The following SGCE variants were observed in gnomAD, a reference collection of about 807,000 sequenced individuals.
The protein encoded by SGCE is epsilon-sarcoglycan.
A neutral mutation model predicts 57.8 loss-of-function variants in SGCE; 26 were observed. The observed-to-expected ratio is 0.45, with a 90% CI of 0.33 to 0.62. The LOEUF is 0.62. SGCE is among the 20% of genes least tolerant of loss of function. The pLI is 0.02. For missense variants in SGCE, 468 were observed against 548.6 expected (o/e 0.85, Z 1.47); for synonymous variants, 183 against 189.5 (o/e 0.97, Z 0.28).
At chr7:94,648,395 A>AAAAAAAAAAAAAAAAAAAAT in intron 1 of SGCE, among the ~76,000 whole-genome samples, 1 of 151,258 alleles carries the variant, frequency 6.6e-6, no homozygotes, top group Non-Finnish European at 1.5e-5. Context: ...AAAAAAAAAA[A>AAAAAAAAAAAAAAAAAAAAT]AAAGAATTAC....
At chr7:94,628,455 CT>C in intron 2 of SGCE, 96 bp from the exon 3 acceptor site, 1 of 1,088,274 alleles carries the variant, frequency 9.2e-7, no homozygotes. Context: ...AAATTTTTTT[CT>C]TACATTTGTA....
intron 1 of SGCE, among the ~76,000 whole-genome samples, chr7:94,646,464 A>G (rs950409682): frequency 5.9e-5 from 9 of 152,344 alleles, no homozygotes; most frequent in African/African-American, 2.2e-4. Context: ...ACAGAACTAT[A>G]TATCTCAGAT....
chr7:94,618,717 A>T, intron 5 of SGCE, 41 bp downstream of exon 5: 1 of 1,534,140 alleles, frequency 6.5e-7, no homozygotes. Context: ...CACCGTATTT[A>T]AAAATCTATA....
intron 5 of SGCE, among the ~76,000 whole-genome samples, chr7:94,609,003 TTGA>T (rs1456086571): frequency 6.6e-6 from 1 of 152,170 alleles, no homozygotes; most frequent in Admixed American, 6.5e-5. Context: ...GACCTTGGAT[TTGA>T]TGATGATTTT....
At chr7:94,586,052 G>A (rs1162474695) in intron 10 of SGCE, among the ~76,000 whole-genome samples, 1 of 6,706 alleles carries the variant, frequency 1.5e-4, no homozygotes, top group African/African-American at 7.1e-4. Context: ...AGAAAACAAG[G>A]AACTAAATGA....
At chr7:94,590,672 A>G (rs1040774400) in intron 9 of SGCE, 5 of 152,182 alleles carry the variant, frequency 3.3e-5, no homozygotes, top group African/African-American at 1.2e-4. Context: ...TTGAAACCCT[A>G]AGCAGAACTG....
At chr7:94,654,679 A>G (rs1411930512) in intron 1 of SGCE, among the ~76,000 whole-genome samples, 1 of 152,224 alleles carries the variant, frequency 6.6e-6, no homozygotes, top group Non-Finnish European at 1.5e-5. Flanking sequence ...AGTTTTGTTT[A>G]TTCCTAGAAA....
chr7:94,618,694 A>AG, intron 5 of SGCE, 64 bp downstream of exon 5: 19 of 1,363,560 alleles, frequency 1.4e-5, no homozygotes, highest in Non-Finnish European at 2.0e-5. Flanking sequence ...ATCTATAATA[A>AG]GTTTGATAAG....
intron 9 of SGCE, chr7:94,589,799 T>C: frequency 5.4e-6 from 1 of 184,130 alleles, no homozygotes; most frequent in Non-Finnish European, 1.1e-5. Context: ...AGCTGAGGGC[T>C]CCCACTGATT....
chr7:94,615,260 G>A (rs1191404556), intron 5 of SGCE, among the ~76,000 whole-genome samples: 1 of 152,156 alleles, frequency 6.6e-6, no homozygotes, highest in Admixed American at 6.5e-5. Context: ...TCAGGAGGTT[G>A]AGGCAGGAGA....
At chr7:94,646,578 T>C (rs1807109254) in intron 1 of SGCE, among the ~76,000 whole-genome samples, 1 of 152,168 alleles carries the variant, frequency 6.6e-6, no homozygotes, top group Non-Finnish European at 1.5e-5. Context: ...TGTTGGACTA[T>C]TGTGAAAATA....
chr7:94,624,256 CAA>C (rs1339042781), intron 3 of SGCE: 24 of 396,120 alleles, frequency 6.1e-5, no homozygotes, highest in Admixed American at 3.6e-4. Flanking sequence ...GACACTGAGA[CAA>C]AAGAGTAGGA....
intron 1 of SGCE, among the ~76,000 whole-genome samples, chr7:94,650,627 T>G (rs1807751024): frequency 6.6e-6 from 1 of 152,192 alleles, no homozygotes; most frequent in African/African-American, 2.4e-5. Flanking sequence ...ATCACAATTA[T>G]CTTTCAGGTC....
chr7:94,622,385 T>C (rs1198995730), intron 4 of SGCE: 1 of 152,310 alleles, frequency 6.6e-6, no homozygotes, highest in Non-Finnish European at 1.5e-5. Flanking sequence ...CCCAGCACTT[T>C]GGAAGGCCAA....
chr7:94,603,974 A>T (rs1232134942), intron 5 of SGCE, among the ~76,000 whole-genome samples: 1 of 152,098 alleles, frequency 6.6e-6, no homozygotes, highest in Non-Finnish European at 1.5e-5. Flanking sequence ...TAGTTTTTCT[A>T]CTACACAAAC....
At position 94,630,512 on chromosome 7, in the gene SGCE, A is replaced by G. The variant is rs138935738; in HGVS notation, c.110-671T>C. Among the ~76,000 whole-genome samples the G allele has an allele frequency of 1.5e-3, 232 of 152,076 alleles. 1 individual carries two copies. Among genetic ancestry groups the G allele is most frequent in the African/African-American group, 5.3e-3 (222 of 41,560 alleles). On this transcript the variant is annotated intron_variant, in intron 1 of 10. Transcript: ENST00000648936. ...TATGCTGCATCCTAAATAAGCAATA[A>G]CAATTACATAATAAAATTCAGGCAA...
chr7:94,599,718 T>C lies in SGCE; in HGVS notation c.1043A>G (p.Lys348Arg), dbSNP rs754309608. 3 of 1,605,682 alleles carry C rather than the reference T, an allele frequency of 1.9e-6. No individual in the cohort carries two copies. The highest frequency in any genetic ancestry group is 2.7e-5 in the African/African-American group (2 of 74,860). Residue 348 changes from lysine to arginine, a missense_variant, in exon 8 of 11, where the codon AAG (lysine) becomes AGG (arginine). Transcript: ENST00000648936. ...TTACTCTGGTGTTTGCATGTTTCTC[T>C]TTTCCCTAGAAACAAAACAAAATTT... ...IMCCRREGVE[K>R]RNMQTPDIQL...
At chr7:94,587,963 T>TA (rs1157460520) in intron 10 of SGCE, 2 of 1,425,018 alleles carry the variant, frequency 1.4e-6, no homozygotes, top group African/African-American at 1.5e-5. Flanking sequence ...ACACCCAACT[T>TA]ACATTTTTAA....
chr7:94,607,221 T>C (rs1800289333), intron 5 of SGCE, among the ~76,000 whole-genome samples: 1 of 152,132 alleles, frequency 6.6e-6, no homozygotes, highest in Non-Finnish European at 1.5e-5. Flanking sequence ...TACTAGACAT[T>C]TAAGGGAGAA....
Sources: allele counts gnomAD v4.1 joint callset (sites outside exome capture counted in the v4.1 genomes callset), GRCh38; gene constraint gnomAD v4.1.1; transcripts MANE v1.5; gene names NCBI Gene and HGNC (gene_info 2026-07-23, HGNC 2026-07-21).